BPIFB6: variants seen among roughly 807,000 people sequenced by gnomAD.
BPIFB6 encodes BPI fold containing family B member 6.
Under a neutral mutation model 54.7 loss-of-function variants are expected in BPIFB6, and 47 were observed. The observed-to-expected ratio is 0.86, with a 90% confidence interval of 0.68 to 1.10. BPIFB6 has a LOEUF of 1.10. Among genes scored for constraint, BPIFB6 ranks in the 50% least tolerant of loss-of-function variants. The pLI is 0.00. For missense variants in BPIFB6, 603 were observed against 564.1 expected, an observed-to-expected ratio of 1.07 and a Z score of -0.70; for synonymous variants, 255 against 225.9, an observed-to-expected ratio of 1.13 and a Z score of -1.16.
rs748712371 is a variant in BPIFB6, at chr20:33,040,240, C to T, written c.1075-11C>T. On this transcript the variant is annotated splice_polypyrimidine_tract_variant and intron_variant, in intron 10 of 14. Coordinates refer to ENST00000349552, the MANE Select transcript of BPIFB6 (RefSeq NM_174897.2). ...CACTGCCTTCTCCCTGCTTCCTCCC[C>T]ACCATGCCAGCACTTCAATCTGAAG... 21 of 1,613,872 alleles carry T rather than the reference C, an allele frequency of 1.3e-5. No individual in the cohort carries two copies. In the South Asian group the frequency reaches 2.0e-4, roughly 15 times the overall value.
At chr20:33,043,970 G>C (rs775932161) in intron 14 of BPIFB6, 45 bp from the exon 15 acceptor site, 1 of 1,611,792 alleles carries the variant, frequency 6.2e-7, no homozygotes, top group Admixed American at 1.7e-5. Flanking sequence ...CCTGGGCCTA[G>C]GTGGTCCCTG....
intron 5 of BPIFB6, among the ~76,000 whole-genome samples, 167 bp from the exon 6 acceptor site, chr20:33,035,445 C>T (rs1016526846): frequency 1.1e-4 from 16 of 152,176 alleles, no homozygotes; most frequent in African/African-American, 3.9e-4. Context: ...CAGATCTGGA[C>T]TCTAGTCCGA....
chr20:33,032,572 T>G (rs1979151168), intron 1 of BPIFB6, among the ~76,000 whole-genome samples: 2 of 152,176 alleles, frequency 1.3e-5, no homozygotes, highest in South Asian at 4.1e-4. Flanking sequence ...CTGTCGTGTC[T>G]GTCCTCACCC....
intron 8 of BPIFB6, among the ~76,000 whole-genome samples, 188 bp from the exon 9 acceptor site, chr20:33,038,721 A>G (rs557421316): frequency 5.3e-5 from 8 of 152,322 alleles, no homozygotes; most frequent in Admixed American, 2.6e-4. Context: ...GCTAAGAGTT[A>G]TGAGCATTGA....
Position 33,036,496 on chromosome 20 carries a change from C to T in BPIFB6, c.629C>T (p.Ala210Val). The T allele has an allele frequency of 6.2e-7, 1 of 1,614,194 alleles. No homozygotes were observed. Among genetic ancestry groups the T allele is most frequent in the Non-Finnish European group, 8.5e-7 (1 of 1,180,024 alleles). The change falls in exon 7 of 15, where the codon GCA becomes GTA. Residue 210 changes from alanine to valine, a missense_variant. By Grantham distance (64) the Ala-to-Val change is moderately conservative. Coordinates refer to ENST00000349552, the MANE Select transcript of BPIFB6 (RefSeq NM_174897.2). ...ACCGTCAAATATGTTCTGATGTCCGCACCAGCCACCACAGCCAGCTACATC... is the reference window on the plus strand; with the variant it reads ...ACCGTCAAATATGTTCTGATGTCCGTACCAGCCACCACAGCCAGCTACATC... Reference protein sequence around the residue: ...MGTVKYVLMSAPATTASYIQL... With the variant: ...MGTVKYVLMSVPATTASYIQL...
intron 1 of BPIFB6, 149 bp from the exon 2 acceptor site, chr20:33,032,835 T>G: frequency 1.6e-6 from 1 of 609,354 alleles, no homozygotes; most frequent in Non-Finnish European, 3.0e-6. Context: ...TGACTCCATC[T>G]TCCCCCATTA....
intron 11 of BPIFB6, among the ~76,000 whole-genome samples, chr20:33,041,540 C>T (rs542024685): frequency 2.6e-5 from 4 of 152,200 alleles, no homozygotes; most frequent in Non-Finnish European, 5.9e-5. Flanking sequence ...ACCAGATGGC[C>T]ATCACATGGC....
In BPIFB6 at chr20:33,040,259, TC is replaced by T; in HGVS notation, c.1084del (p.Leu362Ter). On this transcript the variant is annotated frameshift_variant, in exon 11 of 15. Coordinates refer to ENST00000349552, the MANE Select transcript of BPIFB6 (RefSeq NM_174897.2). LOFTEE classifies it high-confidence loss of function. ...SLFLLEVHFN[L>X]KVQYSVHENQ... ...CCTCCCCACCATGCCAGCACTTCAA[TC>T]TGAAGGTCCAGTACTCAGTGCATGA... 1 of 1,614,104 alleles carries T rather than the reference TC, an allele frequency of 6.2e-7. No individual in the cohort carries two copies. Among genetic ancestry groups the T allele is most frequent in the Non-Finnish European group, 8.5e-7 (1 of 1,179,992 alleles).
intron 11 of BPIFB6, 43 bp downstream of exon 11, chr20:33,040,361 C>A (rs1261804797): frequency 6.3e-7 from 1 of 1,588,996 alleles, no homozygotes; most frequent in Admixed American, 1.7e-5. Context: ...GTTACCTTCA[C>A]ATTTGGCCTT....
At chr20:33,033,281 G>A (rs146694249) in intron 2 of BPIFB6, 198 bp downstream of exon 2, 50 of 671,354 alleles carry the variant, frequency 7.4e-5, no homozygotes, top group African/African-American at 6.9e-4. Context: ...GCCATTCACT[G>A]GGGACAATTT....
At chr20:33,042,982 G>C in intron 13 of BPIFB6, 104 bp downstream of exon 13, 2 of 1,043,416 alleles carry the variant, frequency 1.9e-6, no homozygotes, top group East Asian at 4.8e-5. Context: ...GCCCAGATGG[G>C]GGAAGCTAAA....
chr20:33,036,661 G>A, intron 7 of BPIFB6, 125 bp downstream of exon 7: 1 of 876,024 alleles, frequency 1.1e-6, no homozygotes, highest in South Asian at 1.4e-5. Context: ...CTCAAGCCGT[G>A]GAGGCCAATG....
At chr20:33,036,605 T>A in intron 7 of BPIFB6, 69 bp downstream of exon 7, 1 of 1,411,220 alleles carries the variant, frequency 7.1e-7, no homozygotes, top group Non-Finnish European at 1.0e-6. Flanking sequence ...GTGATGCTTC[T>A]GCCAGGACAG....
chr20:33,040,884 T>C (rs1003273375), intron 11 of BPIFB6, among the ~76,000 whole-genome samples: 1 of 152,320 alleles, frequency 6.6e-6, no homozygotes, highest in South Asian at 2.1e-4. Flanking sequence ...ATTAATTATG[T>C]CAGGATTCTT....
Position 33,034,174 on chromosome 20 carries a change from G to T in BPIFB6, c.198-12G>T. 6.2e-7 allele frequency: 1 copy of T among 1,601,508 alleles called. No homozygotes were observed. Among genetic ancestry groups the T allele is most frequent in the East Asian group, 2.2e-5 (1 of 44,804 alleles). ...TCAGATCTTATTGGTGTGGCTGCCTGTCCCTTCCCAGTTTGAAGGTGAAGG... is the reference window on the plus strand; with the variant it reads ...TCAGATCTTATTGGTGTGGCTGCCTTTCCCTTCCCAGTTTGAAGGTGAAGG... On this transcript the variant is annotated splice_polypyrimidine_tract_variant and intron_variant, in intron 2 of 14. Coordinates refer to ENST00000349552, the MANE Select transcript of BPIFB6 (RefSeq NM_174897.2).
chr20:33,038,992 C>T (rs747893426), intron 9 of BPIFB6, 30 bp downstream of exon 9: 5 of 1,611,278 alleles, frequency 3.1e-6, no homozygotes, highest in Non-Finnish European at 4.2e-6. Context: ...ATCACCACTG[C>T]ACCCTGTCCT....
chr20:33,042,028 A>G lies in BPIFB6; in HGVS notation c.1188+13A>G, dbSNP rs1979611579. The G allele has an allele frequency of 3.1e-6, 5 of 1,613,048 alleles. 1 individual carries two copies. The highest frequency in any genetic ancestry group is 4.2e-6 in the Non-Finnish European group (5 of 1,179,046). ...TGGCAACTTCAATGTAAGTGTCCCA[A>G]GTGCTCTTGCCTGTCCGGCGTGAGG... is the stretch of plus-strand genomic sequence containing the variant. On this transcript the variant is annotated intron_variant, in intron 12 of 14. Coordinates refer to ENST00000349552, the MANE Select transcript of BPIFB6 (RefSeq NM_174897.2).
downstream of BPIFB6, chr20:33,044,050 A>G: frequency 1.9e-6 from 3 of 1,614,056 alleles, no homozygotes; most frequent in Non-Finnish European, 1.7e-6. Context: ...TGGGCTGACC[A>G]TGGCAGGACT....
chr20:33,033,139 T>A, intron 2 of BPIFB6, 56 bp downstream of exon 2: 2 of 1,333,846 alleles, frequency 1.5e-6, no homozygotes, highest in South Asian at 2.4e-5. Context: ...TGGTGGGGAT[T>A]GCTGTGCCCA....
Sources: gnomAD v4.1 joint callset for allele counts (sites outside exome capture counted in the v4.1 genomes callset) on GRCh38, gnomAD v4.1.1 for gene constraint, MANE v1.5 for transcripts, NCBI Gene and HGNC (gene_info 2026-07-23, HGNC 2026-07-21) for gene names.